Variants in WWOX observed in about 807,000 individuals in gnomAD.
WWOX encodes the protein WW domain containing oxidoreductase.
Under a neutral mutation model 46.2 loss-of-function variants are expected in WWOX, and 69 were observed. That is an observed-to-expected ratio of 1.49 (90% CI 1.23 to 1.82). The LOEUF (loss-of-function observed/expected upper bound fraction) is 1.82. Ranked by LOEUF, WWOX falls within the 40% of genes most tolerant of loss-of-function variation. WWOX has a pLI of 0.00. For synonymous variants in WWOX, 359 were observed against 202.6 expected (o/e 1.77, Z -6.56); for missense variants, 919 against 542.6 (o/e 1.69, Z -6.89).
chr16:78,383,663 C>T (rs975266406), intron 5 of WWOX, among the ~76,000 whole-genome samples: 3 of 152,218 alleles, frequency 2.0e-5, no homozygotes, highest in African/African-American at 7.2e-5. Context: ...CCAACACACA[C>T]ATAAACACAT....
chr16:78,181,067 C>T (rs1360858369), intron 5 of WWOX, among the ~76,000 whole-genome samples: 1 of 152,016 alleles, frequency 6.6e-6, no homozygotes, highest in African/African-American at 2.4e-5. Flanking sequence ...AAGTAATTGT[C>T]CTGAAGCCTG....
At chr16:78,318,411 C>T (rs2080397582) in intron 5 of WWOX, among the ~76,000 whole-genome samples, 2 of 151,852 alleles carry the variant, frequency 1.3e-5, no homozygotes, top group East Asian at 3.9e-4. Context: ...TGCACTTCAG[C>T]CTGGGCGACA....
rs879687213 is a variant in WWOX at position 79,049,325 on chromosome 16, C to A, written c.1057-162283C>A. 2.0e-5 allele frequency among the ~76,000 whole-genome samples: 3 copies of A among 152,194 alleles called. No individual in the cohort carries two copies. In the South Asian group the frequency reaches 6.2e-4, roughly 31 times the overall value. ...CATAATAGTGCAAGCAGCACGTGCCCGCTCTTTCACACTGGGGCAAACACA... is the reference window on the plus strand; with the variant it reads ...CATAATAGTGCAAGCAGCACGTGCCAGCTCTTTCACACTGGGGCAAACACA... On this transcript the variant is annotated intron_variant, in intron 8 of 8. Coordinates refer to ENST00000566780, the MANE Select transcript of WWOX (RefSeq NM_016373.4).
intron 8 of WWOX, among the ~76,000 whole-genome samples, chr16:78,436,983 G>A (rs1333472056): frequency 1.3e-5 from 2 of 152,326 alleles, no homozygotes; most frequent in East Asian, 3.9e-4. Flanking sequence ...TGATTGAGAA[G>A]CTTAGCATAG....
chr16:78,983,972 G>A (rs1412123420), intron 8 of WWOX, among the ~76,000 whole-genome samples: 2 of 135,300 alleles, frequency 1.5e-5, no homozygotes, highest in Non-Finnish European at 3.1e-5. Flanking sequence ...CTGCATCCCA[G>A]GTTCACGCTA....
At chr16:78,930,384 C>T (rs2045597914) in intron 8 of WWOX, among the ~76,000 whole-genome samples, 1 of 151,006 alleles carries the variant, frequency 6.6e-6, no homozygotes, top group Non-Finnish European at 1.5e-5. Context: ...CTCAGGCGAT[C>T]CTCACACCTT....
rs1424478438 is a variant in WWOX, at chr16:78,541,521, C to T, written c.1056+108769C>T. ...AAAAAAAAAAAGACACGTACACAGA[C>T]AAATGTTCTGACAGAAATACACTGA... On this transcript the variant is annotated intron_variant, in intron 8 of 8. Transcript: ENST00000566780. Among the ~76,000 whole-genome samples the T allele has an allele frequency of 3.4e-5, 4 of 118,072 alleles. No homozygotes were observed. The East Asian group carries it at 8.0e-4, about 24-fold the overall frequency. The allele number at this position is 118,072 out of a possible 152,430, so 77.5% of individuals were successfully genotyped here.
At chr16:78,576,198 C>T (rs2044875235) in intron 8 of WWOX, among the ~76,000 whole-genome samples, 1 of 152,128 alleles carries the variant, frequency 6.6e-6, no homozygotes, top group Non-Finnish European at 1.5e-5. Flanking sequence ...AAGTAATCAC[C>T]ATAATCTTGA....
intron 8 of WWOX, among the ~76,000 whole-genome samples, chr16:79,087,208 C>T (rs1254767408): frequency 2.0e-5 from 3 of 152,166 alleles, no homozygotes; most frequent in East Asian, 1.9e-4. Flanking sequence ...AAGCCCTTCA[C>T]CTAAATCTTC....
chr16:78,288,236 G>A (rs1458959301), intron 5 of WWOX, among the ~76,000 whole-genome samples: 2 of 151,110 alleles, frequency 1.3e-5, no homozygotes, highest in Non-Finnish European at 2.9e-5. Flanking sequence ...CAGTTGGCAG[G>A]AGACAGTGTG....
intron 8 of WWOX, among the ~76,000 whole-genome samples, chr16:79,170,228 C>A (rs1236428827): frequency 6.6e-6 from 1 of 152,188 alleles, no homozygotes; most frequent in South Asian, 2.1e-4. Context: ...TTTCTCCTTA[C>A]AAACATCATC....
intron 8 of WWOX, among the ~76,000 whole-genome samples, chr16:78,515,881 T>G (rs974112359): frequency 2.6e-5 from 4 of 152,322 alleles, no homozygotes; most frequent in South Asian, 2.1e-4. Flanking sequence ...GAAAGACACC[T>G]GAAGGTGAAC....
chr16:78,640,589 C>G (rs1231951917), intron 8 of WWOX, among the ~76,000 whole-genome samples: 2 of 152,072 alleles, frequency 1.3e-5, no homozygotes, highest in African/African-American at 4.8e-5. Flanking sequence ...ACACATTTAC[C>G]TATGTAACAA....
chr16:78,746,385 C>G (rs2049347414), intron 8 of WWOX, among the ~76,000 whole-genome samples: 1 of 152,086 alleles, frequency 6.6e-6, no homozygotes, highest in Non-Finnish European at 1.5e-5. Context: ...GTAGTCTCAG[C>G]TACTTGGGAG....
chr16:78,679,956 C>T (rs1024825391), intron 8 of WWOX, among the ~76,000 whole-genome samples: 1 of 152,210 alleles, frequency 6.6e-6, no homozygotes, highest in Non-Finnish European at 1.5e-5. Context: ...ATCCTCTAGT[C>T]AGAGCAGACC....
chr16:79,186,451 G>A (rs1381805711), intron 8 of WWOX, among the ~76,000 whole-genome samples: 3 of 152,066 alleles, frequency 2.0e-5, no homozygotes, highest in Non-Finnish European at 4.4e-5. Context: ...GTCCTCCCAC[G>A]GCCTTCTCCC....
At chr16:78,928,661 T>A (rs1227781392) in intron 8 of WWOX, among the ~76,000 whole-genome samples, 1 of 143,048 alleles carries the variant, frequency 7.0e-6, no homozygotes, top group Non-Finnish European at 1.5e-5. Context: ...TTTGACTTAC[T>A]GGAAAAAAAA....
At chr16:78,816,884 A>C (rs894060853) in intron 8 of WWOX, among the ~76,000 whole-genome samples, 19 of 152,100 alleles carry the variant, frequency 1.2e-4, no homozygotes, top group African/African-American at 4.6e-4. Flanking sequence ...CTGGTTACAA[A>C]CATCTGAAGG....
chr16:78,408,014 A>G lies in WWOX; in HGVS notation c.606-16856A>G, dbSNP rs555215868. Reference sequence around the variant, plus strand: ...CTGCTCAAGTTGGTATGACTGGTGTATGGTGCCTTAATGGGTACTTAAAGT... The same window carrying G: ...CTGCTCAAGTTGGTATGACTGGTGTGTGGTGCCTTAATGGGTACTTAAAGT... On this transcript the variant is annotated intron_variant, in intron 6 of 8. Transcript: ENST00000566780. Among the ~76,000 whole-genome samples, 51 of 152,284 alleles carry G rather than the reference A, an allele frequency of 3.3e-4. No individual in the cohort carries two copies. The South Asian group carries it at 0.01, about 30-fold the overall frequency.
Sources: gnomAD v4.1 joint callset for allele counts (sites outside exome capture counted in the v4.1 genomes callset) on GRCh38, gnomAD v4.1.1 for gene constraint, MANE v1.5 for transcripts, NCBI Gene and HGNC (gene_info 2026-07-23, HGNC 2026-07-21) for gene names.